SLC35H1: variants seen among roughly 807,000 people sequenced by gnomAD.
The protein encoded by SLC35H1 is ovarian cancer-overexpressed gene 1 protein.
the SLC35H1 span, chr20:46,348,346 A>T: frequency 0.59 from 89,187 of 152,158 alleles, 28,968 homozygotes; most frequent in Non-Finnish European, 0.7. Context: ...GTGGGGGAGC[A>T]GACAGGAAGC....
the SLC35H1 span, chr20:46,346,255 T>A: frequency 6.6e-6 from 1 of 152,072 alleles, no homozygotes; most frequent in African/African-American, 2.4e-5. Context: ...TAAATAACCA[T>A]GGGAACAGAC....
the SLC35H1 span, chr20:46,357,498 A>C: frequency 8.5e-7 from 1 of 1,179,686 alleles, no homozygotes; most frequent in Non-Finnish European, 1.2e-6. Flanking sequence ...AAGAGGGCAG[A>C]GGAGGAACAG....
chr20:46,362,439 C>G, the SLC35H1 span, among the ~76,000 whole-genome samples: 2 of 152,172 alleles, frequency 1.3e-5, no homozygotes, highest in Non-Finnish European at 2.9e-5. Flanking sequence ...GTAACTTGGG[C>G]AGCATGGTTT....
the SLC35H1 span, chr20:46,350,210 G>A: frequency 5.2e-6 from 3 of 575,914 alleles, no homozygotes; most frequent in African/African-American, 1.9e-5. Flanking sequence ...CCTGGTGCTC[G>A]CCCCTTGTGT....
the SLC35H1 span, among the ~76,000 whole-genome samples, chr20:46,359,763 C>T: frequency 6.6e-6 from 1 of 152,208 alleles, no homozygotes; most frequent in Admixed American, 6.5e-5. Flanking sequence ...GGGTGCCCCC[C>T]TCAACCACAG....
chr20:46,357,208 A>C, the SLC35H1 span, among the ~76,000 whole-genome samples: 1 of 152,140 alleles, frequency 6.6e-6, no homozygotes, highest in Non-Finnish European at 1.5e-5. Flanking sequence ...GGCCTAGGAA[A>C]TCTTCCTCTA....
the SLC35H1 span, chr20:46,352,957 G>A: frequency 6.6e-6 from 1 of 152,338 alleles, no homozygotes; most frequent in Admixed American, 6.5e-5. Context: ...GGGGTCTTTG[G>A]AGCTGTGGTA....
At chr20:46,355,164 G>A in the SLC35H1 span, 41 of 1,614,004 alleles carry the variant, frequency 2.5e-5, no homozygotes, top group African/African-American at 1.9e-4. The surrounding 1 kb of genome is among the most constrained non-coding windows in gnomAD (Gnocchi z 4.8). Context: ...AGCCCTCCAC[G>A]TTGAACTGTG....
At chr20:46,348,017 C>T in the SLC35H1 span, 1 of 152,240 alleles carries the variant, frequency 6.6e-6, no homozygotes, top group East Asian at 1.9e-4. Context: ...AGACAAGTCA[C>T]ATCCTCAGCT....
the SLC35H1 span, chr20:46,346,716 C>T: frequency 3.9e-5 from 6 of 152,172 alleles, no homozygotes; most frequent in African/African-American, 1.2e-4. Flanking sequence ...TTAGAGCTCC[C>T]TGTACTAAAC....
chr20:46,359,830 C>A, the SLC35H1 span, among the ~76,000 whole-genome samples: 1 of 152,192 alleles, frequency 6.6e-6, no homozygotes, highest in Non-Finnish European at 1.5e-5. Flanking sequence ...TCGAAGCCTT[C>A]CTAGGCTTCA....
the SLC35H1 span, chr20:46,357,825 C>A: frequency 1.3e-6 from 2 of 1,597,876 alleles, no homozygotes; most frequent in African/African-American, 1.3e-5. Context: ...AGCCTGCCCC[C>A]CACCGGCTCC....
At chr20:46,348,465 CT>C in the SLC35H1 span, 2 of 152,188 alleles carry the variant, frequency 1.3e-5, no homozygotes, top group Non-Finnish European at 2.9e-5. Flanking sequence ...CCCTCCTTGG[CT>C]GGCTCTTCCC....
At chr20:46,349,377 CA>C in the SLC35H1 span, 8 of 152,408 alleles carry the variant, frequency 5.2e-5, no homozygotes, top group Admixed American at 1.3e-4. Flanking sequence ...GCCCAAGCCC[CA>C]GGGGCCCATG....
At chr20:46,355,485 C>A in the SLC35H1 span, 1 of 625,630 alleles carries the variant, frequency 1.6e-6, no homozygotes, top group Non-Finnish European at 2.8e-6. The surrounding 1 kb of genome is among the most constrained non-coding windows in gnomAD (Gnocchi z 4.8). Flanking sequence ...CTGTCCTAGG[C>A]CCCCAAGTGG....
At chr20:46,362,112 A>G in the SLC35H1 span, among the ~76,000 whole-genome samples, 33 of 152,272 alleles carry the variant, frequency 2.2e-4, no homozygotes, top group Admixed American at 9.8e-4. Context: ...ACCTATGCCC[A>G]AACACAAAGC....
chr20:46,356,597 G>A, the SLC35H1 span: 2 of 1,614,142 alleles, frequency 1.2e-6, no homozygotes, highest in Non-Finnish European at 1.7e-6. Context: ...CATACAGGAA[G>A]CTCCAGTTGG....
At chr20:46,352,034 CA>C in the SLC35H1 span, 1 of 1,612,774 alleles carries the variant, frequency 6.2e-7, no homozygotes, top group Non-Finnish European at 8.5e-7. Context: ...GGACTGGCAT[CA>C]CGCCCGAGTC....
the SLC35H1 span, chr20:46,350,537 A>G: frequency 6.3e-7 from 1 of 1,578,066 alleles, no homozygotes; most frequent in Non-Finnish European, 8.6e-7. Context: ...TGGGATAGAG[A>G]GAGACCACAG....
Sources: gnomAD v4.1 joint callset for allele counts (sites outside exome capture counted in the v4.1 genomes callset) on GRCh38, gnomAD v4.1.1 for gene constraint, Gnocchi (gnomAD v3.1) non-coding constraint, MANE v1.5 for transcripts, NCBI Gene and HGNC (gene_info 2026-07-23, HGNC 2026-07-21) for gene names.